The following CLYBL variants were observed in gnomAD, a reference collection of about 807,000 sequenced individuals.
CLYBL encodes citramalyl-CoA lyase, mitochondrial.
Under a neutral mutation model 38.9 loss-of-function variants are expected in CLYBL, and 31 were observed. The observed-to-expected ratio is 0.80, with a 90% CI of 0.60 to 1.08. The LOEUF is 1.08. CLYBL is among the 50% of genes least tolerant of loss of function. The pLI, the probability that CLYBL is intolerant of heterozygous loss-of-function variation, is 0.00. For synonymous variants in CLYBL, 171 were observed against 158.6 expected (o/e 1.08, Z -0.59); for missense variants, 434 against 411.6 (o/e 1.05, Z -0.47).
intron 1 of CLYBL, among the ~76,000 whole-genome samples, chr13:99,645,054 C>T (rs2047157496): frequency 6.6e-6 from 1 of 152,180 alleles, no homozygotes; most frequent in Non-Finnish European, 1.5e-5. Flanking sequence ...ATTGCTGGGT[C>T]ATATGGTAGT....
chr13:99,673,927 T>C (rs1356792837), intron 1 of CLYBL, among the ~76,000 whole-genome samples: 1 of 152,128 alleles, frequency 6.6e-6, no homozygotes, highest in African/African-American at 2.4e-5. Context: ...CCTGGTGGGT[T>C]GAGTGTTTCT....
At chr13:99,861,284 C>G (rs562102515) in intron 3 of CLYBL, among the ~76,000 whole-genome samples, 1 of 152,026 alleles carries the variant, frequency 6.6e-6, no homozygotes, top group South Asian at 2.1e-4. Flanking sequence ...TTAAATGCCC[C>G]TATTGGCTTA....
In CLYBL at chr13:99,748,022, G is replaced by A. The variant is rs559282324; in HGVS notation, c.63-24802G>A. Among the ~76,000 whole-genome samples, 4 of 152,060 alleles carry A rather than the reference G, an allele frequency of 2.6e-5. No individual in the cohort carries two copies. The East Asian group carries it at 7.8e-4, about 29-fold the overall frequency. Reference sequence around the variant, plus strand: ...AAATAGTACATTATGATTATTGTGCGACCATCCCCACCACCCATCTCCAGA... The same window carrying A: ...AAATAGTACATTATGATTATTGTGCAACCATCCCCACCACCCATCTCCAGA... On this transcript the variant is annotated intron_variant, in intron 1 of 8. Transcript: ENST00000339105.
intron 7 of CLYBL, among the ~76,000 whole-genome samples, chr13:99,874,465 T>A (rs2051987865): frequency 6.6e-6 from 1 of 152,188 alleles, no homozygotes; most frequent in African/African-American, 2.4e-5. Flanking sequence ...TAATGGTGAT[T>A]CCATTAATAT....
At chr13:99,693,178 T>C (rs2047932751) in intron 1 of CLYBL, among the ~76,000 whole-genome samples, 1 of 152,354 alleles carries the variant, frequency 6.6e-6, no homozygotes, top group Admixed American at 6.5e-5. Context: ...AAACTAATTA[T>C]GAAGCATCTT....
intron 2 of CLYBL, among the ~76,000 whole-genome samples, chr13:99,838,792 C>T (rs559253650): frequency 4.3e-5 from 5 of 115,258 alleles, no homozygotes; most frequent in Admixed American, 2.5e-4. Flanking sequence ...TCCGCCACCA[C>T]GCCTGGCTAA....
At chr13:99,835,775 C>T (rs2050921001) in intron 2 of CLYBL, among the ~76,000 whole-genome samples, 2 of 152,180 alleles carry the variant, frequency 1.3e-5, no homozygotes, top group African/African-American at 4.8e-5. Context: ...CTTTTTCCCC[C>T]AGCAAGCCAA....
At chr13:99,878,610 G>A (rs1369552212) in intron 7 of CLYBL, among the ~76,000 whole-genome samples, 1 of 152,160 alleles carries the variant, frequency 6.6e-6, no homozygotes, top group Non-Finnish European at 1.5e-5. Flanking sequence ...ACTTATGCAC[G>A]TACAATGGGT....
chr13:99,653,193 C>T (rs1290367995), intron 1 of CLYBL, among the ~76,000 whole-genome samples: 1 of 152,080 alleles, frequency 6.6e-6, no homozygotes, highest in African/African-American at 2.4e-5. Context: ...TTGTAGACAG[C>T]CTTGAATTCT....
At chr13:99,659,630 C>T (rs879334781) in intron 1 of CLYBL, among the ~76,000 whole-genome samples, 1 of 152,146 alleles carries the variant, frequency 6.6e-6, no homozygotes, top group Non-Finnish European at 1.5e-5. Flanking sequence ...ATGCCCTATT[C>T]TTTATTGGCA....
intron 2 of CLYBL, among the ~76,000 whole-genome samples, chr13:99,784,449 CTTTT>C (rs772465561): frequency 0.15 from 7,532 of 50,672 alleles, 355 homozygotes; most frequent in African/African-American, 0.42. Flanking sequence ...AAAATTCTCT[CTTTT>C]TTTTTTTTTT....
intron 1 of CLYBL, among the ~76,000 whole-genome samples, chr13:99,727,682 G>A (rs771164382): frequency 1.1e-4 from 17 of 151,956 alleles, no homozygotes; most frequent in South Asian, 4.2e-4. Context: ...TATTTCTCCC[G>A]TGGCCAGTAT....
chr13:99,692,390 C>G (rs144188875), intron 1 of CLYBL, among the ~76,000 whole-genome samples: 2,158 of 151,780 alleles, frequency 0.014, 51 homozygotes, highest in African/African-American at 0.048. Flanking sequence ...CTCCCGGGTT[C>G]ACGCCATTCC....
chr13:99,872,533 C>T (rs1348545433), intron 7 of CLYBL, among the ~76,000 whole-genome samples: 13 of 152,164 alleles, frequency 8.5e-5, no homozygotes, highest in Non-Finnish European at 1.5e-5. Context: ...ACCGAATGCT[C>T]TATACCTCTG....
chr13:99,744,497 C>G (rs1183022409), intron 1 of CLYBL, among the ~76,000 whole-genome samples: 3 of 152,238 alleles, frequency 2.0e-5, no homozygotes, highest in African/African-American at 7.2e-5. Flanking sequence ...TCTGAGCGGC[C>G]AGCAGTCTGC....
At chr13:99,731,732 G>C (rs777732046) in intron 1 of CLYBL, among the ~76,000 whole-genome samples, 1 of 152,192 alleles carries the variant, frequency 6.6e-6, no homozygotes, top group Admixed American at 6.5e-5. Flanking sequence ...CCCCTGGATG[G>C]GGAGGGAGGA....
chr13:99,741,852 C>CT (rs1013794641), intron 1 of CLYBL, among the ~76,000 whole-genome samples: 21 of 152,070 alleles, frequency 1.4e-4, no homozygotes, highest in Admixed American at 3.9e-4. Flanking sequence ...ACAATGAGAG[C>CT]TTTTTTTTAA....
At chr13:99,705,365 G>A (rs1207293359) in intron 1 of CLYBL, among the ~76,000 whole-genome samples, 1 of 152,106 alleles carries the variant, frequency 6.6e-6, no homozygotes, top group Non-Finnish European at 1.5e-5. Context: ...CGGATCACCT[G>A]AGGTCAGGAG....
intron 4 of CLYBL, among the ~76,000 whole-genome samples, chr13:99,863,915 C>T (rs770056811): frequency 6.6e-6 from 1 of 152,128 alleles, no homozygotes; most frequent in Admixed American, 6.6e-5. Context: ...AATGTGTGAG[C>T]GGCAACTTTG....
Sources: gnomAD v4.1 joint callset for allele counts (sites outside exome capture counted in the v4.1 genomes callset) on GRCh38, gnomAD v4.1.1 for gene constraint, MANE v1.5 for transcripts, NCBI Gene and HGNC (gene_info 2026-07-23, HGNC 2026-07-21) for gene names.